Variants in KCNC1 observed in about 807,000 individuals in gnomAD.
The protein encoded by KCNC1 is voltage-gated potassium channel KCNC1.
Under a neutral mutation model 43.4 loss-of-function variants are expected in KCNC1, and 8 were observed. The observed-to-expected ratio is 0.18, with a 90% confidence interval of 0.11 to 0.33. KCNC1 has a LOEUF of 0.33. KCNC1 is among the 10% of genes least tolerant of loss of function. The pLI, the probability that KCNC1 is intolerant of heterozygous loss-of-function variation, is 1.00. For synonymous variants in KCNC1, 361 were observed against 360.5 expected, an observed-to-expected ratio of 1.00 and a Z score of -0.01; for missense variants, 420 against 836.0, an observed-to-expected ratio of 0.50 and a Z score of 6.14.
chr11:17,761,312 G>C (rs962486743), intron 1 of KCNC1, among the ~76,000 whole-genome samples: 2 of 152,230 alleles, frequency 1.3e-5, no homozygotes, highest in African/African-American at 4.8e-5. Context: ...CTATTGCTCT[G>C]CTCACCTTCC....
At chr11:17,767,999 G>C (rs1849173696) in intron 1 of KCNC1, among the ~76,000 whole-genome samples, 1 of 152,230 alleles carries the variant, frequency 6.6e-6, no homozygotes, top group African/African-American at 2.4e-5. Flanking sequence ...CTTGAGATGA[G>C]AGCTCTGAGG....
At position 17,772,517 on chromosome 11, in the gene KCNC1, G is replaced by T; in HGVS notation, c.1423G>T (p.Val475Phe). 2 of 1,614,206 alleles carry T rather than the reference G, an allele frequency of 1.2e-6. No individual in the cohort carries two copies. Among genetic ancestry groups the T allele is most frequent in the Non-Finnish European group, 1.7e-6 (2 of 1,180,040 alleles). ...QLGSPNYCKS[V>F]VNSPHHSTQS... ...GGGATCTCCCAATTATTGTAAATCT[G>T]TCGTAAACTCTCCACACCACAGTAC... Residue 475 changes from valine to phenylalanine, a missense_variant, in exon 2 of 4, where the codon GTC becomes TTC. Transcript: ENST00000265969.
intron 1 of KCNC1, among the ~76,000 whole-genome samples, chr11:17,755,465 C>G (rs1437325865): frequency 6.6e-6 from 1 of 151,992 alleles, no homozygotes; most frequent in Non-Finnish European, 1.5e-5. Context: ...TACCATGACC[C>G]GGGGGGAAAG....
Position 17,776,500 on chromosome 11 carries a change from C to G in KCNC1, c.1505-2956C>G. Reference sequence around the variant, plus strand: ...CCAGCTGTGCTGACTGAGGGCCCAGCCTCGGGTTCTCCTTGCTCCAAAGTT... The same window carrying G: ...CCAGCTGTGCTGACTGAGGGCCCAGGCTCGGGTTCTCCTTGCTCCAAAGTT... On this transcript the variant is annotated intron_variant, in intron 2 of 3. Coordinates refer to ENST00000265969, the MANE Select transcript of KCNC1 (RefSeq NM_001112741.2). This position sits in a 1 kb window ranked among gnomAD's most constrained non-coding sequence, Gnocchi z 4.4. 1.0e-6 allele frequency: 1 copy of G among 985,478 alleles called. No homozygotes were observed. The highest frequency in any genetic ancestry group is 1.2e-6 in the Non-Finnish European group (1 of 829,968). 61.0% of individuals were successfully genotyped at this position (985,478 alleles called of 1,614,324 possible). A position where few individuals can be genotyped will look rare whatever the true frequency, so the allele number is the denominator to read the frequency against.
rs1848751087 is a variant in KCNC1, at chr11:17,735,317, G to C, written c.-686G>C. 6.6e-6 allele frequency: 1 copy of C among 151,024 alleles called. No individual in the cohort carries two copies. Among genetic ancestry groups the C allele is most frequent in the South Asian group, 2.1e-4 (1 of 4,826 alleles). 9.4% of individuals were successfully genotyped at this position (151,024 alleles called of 1,614,324 possible). A position where few individuals can be genotyped will look rare whatever the true frequency, so the allele number is the denominator to read the frequency against. The stretch of plus-strand genomic sequence containing the variant: ...GGCGGGCAGGCGGGCCCGCCGCCGG[G>C]GGGAGCAGGCAGCCAAGCAAGGAGA... On this transcript the variant is annotated 5_prime_UTR_variant, in exon 1 of 4. Coordinates refer to ENST00000265969, the MANE Select transcript of KCNC1 (RefSeq NM_001112741.2). This position sits in a 1 kb window ranked among gnomAD's most constrained non-coding sequence, Gnocchi z 6.7.
chr11:17,774,898 G>C, intron 2 of KCNC1: 2 of 985,420 alleles, frequency 2.0e-6, no homozygotes, highest in Non-Finnish European at 2.4e-6. Context: ...TCCCTCACCA[G>C]AACACTTCTC....
Position 17,739,670 on chromosome 11 carries a change from A to C in KCNC1, c.570+3098A>C, listed in dbSNP as rs1307714077. Among the ~76,000 whole-genome samples, 1 of 101,962 alleles carries C rather than the reference A, an allele frequency of 9.8e-6. No homozygotes were observed. Among genetic ancestry groups the C allele is most frequent in the Admixed American group, 9.4e-5 (1 of 10,634 alleles). 66.9% of individuals were successfully genotyped at this position (101,962 alleles called of 152,430 possible). On this transcript the variant is annotated intron_variant, in intron 1 of 3. Coordinates refer to ENST00000265969, the MANE Select transcript of KCNC1 (RefSeq NM_001112741.2). This position sits in a 1 kb window ranked among gnomAD's most constrained non-coding sequence, Gnocchi z 4.2. ...ACTGTATATGTGGAGCTCATGTGTG[A>C]GTCTGTGTGTGTGTGTGTGTGTGTG...
Position 17,759,995 on chromosome 11 carries a change from T to C in KCNC1, c.571-11670T>C, listed in dbSNP as rs933052440. Among the ~76,000 whole-genome samples the C allele has an allele frequency of 3.3e-5, 5 of 152,218 alleles. No individual in the cohort carries two copies. In the South Asian group the frequency reaches 1.0e-3, roughly 32 times the overall value. On this transcript the variant is annotated intron_variant, in intron 1 of 3. Coordinates refer to ENST00000265969, the MANE Select transcript of KCNC1 (RefSeq NM_001112741.2). ...CGCAGTCGAACGAGGCATGTCTGCATATCCTATATGGAGCGCCTTCCTACT... is the reference window on the plus strand; with the variant it reads ...CGCAGTCGAACGAGGCATGTCTGCACATCCTATATGGAGCGCCTTCCTACT...
intron 1 of KCNC1, among the ~76,000 whole-genome samples, chr11:17,740,103 G>A (rs1248096651): frequency 1.3e-5 from 2 of 152,318 alleles, no homozygotes; most frequent in East Asian, 3.9e-4. Flanking sequence ...CTTGGTGCTG[G>A]CCCTGGAGAT....
At chr11:17,737,088 C>A (rs1201944256) in intron 1 of KCNC1, among the ~76,000 whole-genome samples, 3 of 152,118 alleles carry the variant, frequency 2.0e-5, no homozygotes, top group African/African-American at 7.2e-5. Context: ...GGCCTGAGGC[C>A]TGCTGGGCAG....
At chr11:17,738,070 G>T (rs1348652779) in intron 1 of KCNC1, among the ~76,000 whole-genome samples, 4 of 152,044 alleles carry the variant, frequency 2.6e-5, no homozygotes, top group Admixed American at 1.3e-4. Context: ...GTGTTTATGG[G>T]GGGAGGCAAT....
intron 2 of KCNC1, among the ~76,000 whole-genome samples, chr11:17,778,127 C>A (rs150852461): frequency 0.019 from 2,896 of 152,270 alleles, 43 homozygotes; most frequent in Non-Finnish European, 0.028. Context: ...TCCACCCTGG[C>A]CAGGAAGATT....
At chr11:17,770,448 G>T (rs1340022290) in intron 1 of KCNC1, among the ~76,000 whole-genome samples, 1 of 152,222 alleles carries the variant, frequency 6.6e-6, no homozygotes, top group African/African-American at 2.4e-5. Flanking sequence ...CCAGGGCAGG[G>T]CCAAGGGAGG....
chr11:17,765,667 C>T (rs1259999066), intron 1 of KCNC1: 1 of 152,182 alleles, frequency 6.6e-6, no homozygotes, highest in Non-Finnish European at 1.5e-5. Context: ...GGGTTTATGC[C>T]GCATTGTCAG....
Position 17,781,023 on chromosome 11 carries a change from A to G in KCNC1, c.1694-647A>G, listed in dbSNP as rs1849339255. ...GAGGTGCTAGAATGCCCAGAAGCAG[A>G]ATGCCCGAGGAGTGAGGGGAAAAGC... is the stretch of plus-strand genomic sequence containing the variant. On this transcript the variant is annotated intron_variant, in intron 3 of 3. Transcript: ENST00000265969. The surrounding 1 kb of genome is among the most constrained non-coding windows in gnomAD (Gnocchi z 5.1). 1 of 152,198 alleles carries G rather than the reference A, an allele frequency of 6.6e-6. No individual in the cohort carries two copies. Among genetic ancestry groups the G allele is most frequent in the African/African-American group, 2.4e-5 (1 of 41,428 alleles). 9.4% of individuals were successfully genotyped at this position (152,198 alleles called of 1,614,324 possible).
In KCNC1 at chr11:17,739,996, T is replaced by A. The variant is rs1161516255; in HGVS notation, c.570+3424T>A. Reference sequence around the variant, plus strand: ...AGTGGCCTAACTGAGGGCATTTCCTTTCCTCAGTAGAGATGCTTTTCTGCC... The same window carrying A: ...AGTGGCCTAACTGAGGGCATTTCCTATCCTCAGTAGAGATGCTTTTCTGCC... On this transcript the variant is annotated intron_variant, in intron 1 of 3. Coordinates refer to ENST00000265969, the MANE Select transcript of KCNC1 (RefSeq NM_001112741.2). The surrounding 1 kb of genome is among the most constrained non-coding windows in gnomAD (Gnocchi z 4.2). Among the ~76,000 whole-genome samples, 1 of 152,220 alleles carries A rather than the reference T, an allele frequency of 6.6e-6. No individual in the cohort carries two copies. Among genetic ancestry groups the A allele is most frequent in the Non-Finnish European group, 1.5e-5 (1 of 68,042 alleles).
intron 1 of KCNC1, among the ~76,000 whole-genome samples, chr11:17,746,218 G>A (rs1848897626): frequency 6.6e-6 from 1 of 152,170 alleles, no homozygotes; most frequent in South Asian, 2.1e-4. Context: ...GGCTGGGGCA[G>A]CGCTAGTAGG....
intron 1 of KCNC1, among the ~76,000 whole-genome samples, chr11:17,744,730 G>A (rs1156833686): frequency 1.3e-5 from 2 of 152,124 alleles, no homozygotes; most frequent in South Asian, 2.1e-4. Flanking sequence ...CAGGGGATGG[G>A]TGCTGTGCTG....
chr11:17,772,084 C>G lies in KCNC1; in HGVS notation c.990C>G (p.Gly330=), dbSNP rs1385847291. Residue 330 remains glycine (G), a synonymous_variant, in exon 2 of 4, where the codon GGC becomes GGG. Coordinates refer to ENST00000265969, the MANE Select transcript of KCNC1 (RefSeq NM_001112741.2). ...TTAAGCTGACCCGCCACTTTGTGGG[C>G]CTGCGGGTCCTGGGCCACACGCTCC... The part of the protein sequence containing the change: ...RIFKLTRHFV[G]LRVLGHTLRA... The G allele has an allele frequency of 1.2e-6, 2 of 1,613,370 alleles. No homozygotes were observed. The highest frequency in any genetic ancestry group is 1.7e-6 in the Non-Finnish European group (2 of 1,179,886).
Sources: gnomAD v4.1 joint callset for allele counts (sites outside exome capture counted in the v4.1 genomes callset) on GRCh38, gnomAD v4.1.1 for gene constraint, Gnocchi (gnomAD v3.1) non-coding constraint, MANE v1.5 for transcripts, NCBI Gene and HGNC (gene_info 2026-07-23, HGNC 2026-07-21) for gene names.